ADAMTSL1: variants seen among roughly 807,000 people sequenced by gnomAD.
The protein encoded by ADAMTSL1 is ADAMTS like 1, also known as ADAMTS-like protein 1.
Under a neutral mutation model 201.8 loss-of-function variants are expected in ADAMTSL1, and 126 were observed. The observed-to-expected ratio is 0.62, with a 90% CI of 0.54 to 0.72. The LOEUF (loss-of-function observed/expected upper bound fraction) is 0.72. Among genes scored for constraint, ADAMTSL1 ranks in the 30% least tolerant of loss-of-function variants. The pLI, the probability that ADAMTSL1 is intolerant of heterozygous loss-of-function variation, is 0.00. For missense variants in ADAMTSL1, 2,679 were observed against 2,277.8 expected (o/e 1.18, Z -3.59); for synonymous variants, 1,121 against 903.4 (o/e 1.24, Z -4.32).
chr9:18,261,200 C>G (rs1056376756), intron 2 of ADAMTSL1, among the ~76,000 whole-genome samples: 2 of 151,948 alleles, frequency 1.3e-5, no homozygotes, highest in African/African-American at 4.8e-5. Flanking sequence ...GGCCACAGGA[C>G]AGATATCATC....
At position 18,689,763 on chromosome 9, in the gene ADAMTSL1, C is replaced by A. The variant is rs563276848; in HGVS notation, c.1574+4963C>A. Among the ~76,000 whole-genome samples the A allele has an allele frequency of 9.9e-5, 15 of 152,282 alleles. No individual in the cohort carries two copies. The East Asian group carries it at 2.7e-3, about 27-fold the overall frequency. ...AAGATAGCAATTTTATCCAGATATT[C>A]CCTTGTTAAATAGCTGGCATTCGCC... is the stretch of plus-strand genomic sequence containing the variant. On this transcript the variant is annotated intron_variant, in intron 13 of 28. Transcript: ENST00000380548.
intron 2 of ADAMTSL1, among the ~76,000 whole-genome samples, chr9:18,251,790 C>T (rs1240344220): frequency 1.3e-5 from 2 of 152,048 alleles, no homozygotes; most frequent in African/African-American, 4.8e-5. Flanking sequence ...TGGTGCAACA[C>T]AGTAAATATC....
At chr9:18,660,526 C>G (rs899725052) in intron 8 of ADAMTSL1, among the ~76,000 whole-genome samples, 1 of 152,174 alleles carries the variant, frequency 6.6e-6, no homozygotes, top group Non-Finnish European at 1.5e-5. Flanking sequence ...ATAATCATCT[C>G]AGATTAATAA....
intron 7 of ADAMTSL1, among the ~76,000 whole-genome samples, chr9:18,647,793 A>G (rs185550094): frequency 0.043 from 6,571 of 151,308 alleles, 199 homozygotes; most frequent in South Asian, 0.085. Flanking sequence ...TGCTGTGGAG[A>G]GCTTTACTTC....
chr9:18,808,176 C>A (rs745605109), intron 20 of ADAMTSL1, among the ~76,000 whole-genome samples: 1 of 152,078 alleles, frequency 6.6e-6, no homozygotes, highest in Non-Finnish European at 1.5e-5. Flanking sequence ...AATATCAAAC[C>A]TGCCTCCATA....
At chr9:18,536,404 A>G (rs1336695315) in intron 3 of ADAMTSL1, among the ~76,000 whole-genome samples, 2 of 150,730 alleles carry the variant, frequency 1.3e-5, no homozygotes, top group Admixed American at 1.3e-4. Flanking sequence ...CGTATTCCCC[A>G]GGGTAATATG....
intron 2 of ADAMTSL1, among the ~76,000 whole-genome samples, chr9:18,271,595 T>C (rs1440653214): frequency 9.2e-5 from 14 of 152,328 alleles, no homozygotes; most frequent in African/African-American, 3.4e-4. Context: ...TTTGAGTTGG[T>C]TCCAAGTCTT....
At chr9:17,915,106 G>A (rs1411494808) in intron 1 of ADAMTSL1, among the ~76,000 whole-genome samples, 4 of 152,104 alleles carry the variant, frequency 2.6e-5, no homozygotes, top group Admixed American at 2.0e-4. Context: ...AATTTGATAA[G>A]TTTTGACATA....
In ADAMTSL1 at chr9:18,857,647, T is replaced by G. The variant is rs114089000; in HGVS notation, c.4249+27670T>G. ...AGTGGTATCTTCTGACCTTTTCCAT[T>G]GCAGAAGTTAAGTTCCAAAGTTTTC... On this transcript the variant is annotated intron_variant, in intron 23 of 28. Coordinates refer to ENST00000380548, the MANE Select transcript of ADAMTSL1 (RefSeq NM_001040272.6). Among the ~76,000 whole-genome samples, 1,330 of 152,322 alleles carry G rather than the reference T, an allele frequency of 8.7e-3. 22 individuals carry two copies. Among genetic ancestry groups the G allele is most frequent in the African/African-American group, 0.029 (1,215 of 41,576 alleles).
Position 18,671,193 on chromosome 9 carries a change from A to T in ADAMTSL1, c.1086-4664A>T, listed in dbSNP as rs560480865. ...AAAGGGCCAATAGTACACAGTTAAA[A>T]GTGAGGAGAGGAGTTAGTATTAGGG... On this transcript the variant is annotated intron_variant, in intron 9 of 28. Transcript: ENST00000380548. Among the ~76,000 whole-genome samples, 86 of 152,316 alleles carry T rather than the reference A, an allele frequency of 5.6e-4. 1 individual carries two copies. The highest frequency in any genetic ancestry group is 2.0e-3 in the African/African-American group (84 of 41,570).
At chr9:18,283,468 TG>T (rs1189378398) in intron 2 of ADAMTSL1, among the ~76,000 whole-genome samples, 1 of 151,788 alleles carries the variant, frequency 6.6e-6, no homozygotes, top group Non-Finnish European at 1.5e-5. Context: ...TAACTGAGTA[TG>T]ATGGTACACA....
chr9:18,629,235 CT>C (rs75914391), intron 5 of ADAMTSL1, among the ~76,000 whole-genome samples: 19,982 of 148,742 alleles, frequency 0.13, 1,430 homozygotes, highest in Admixed American at 0.2. Flanking sequence ...TTGTAAGCCA[CT>C]TTTTTTTTTG....
chr9:17,948,584 C>A (rs554659446), intron 1 of ADAMTSL1, among the ~76,000 whole-genome samples: 1 of 152,138 alleles, frequency 6.6e-6, no homozygotes, highest in East Asian at 1.9e-4. Context: ...TAGGAAACAG[C>A]GTCAGATGAA....
intron 2 of ADAMTSL1, among the ~76,000 whole-genome samples, chr9:18,274,107 A>G (rs1457235557): frequency 2.0e-5 from 3 of 152,254 alleles, no homozygotes; most frequent in African/African-American, 7.2e-5. Flanking sequence ...GAATTTAGAT[A>G]TCTCTCACTT....
chr9:18,753,162 A>G, intron 15 of ADAMTSL1, 136 bp from the exon 16 acceptor site: 3 of 787,886 alleles, frequency 3.8e-6, no homozygotes, highest in Admixed American at 2.0e-5. Context: ...TAGGCTTAAG[A>G]TAGAGCTGCC....
At chr9:18,475,355 G>A (rs923484411) in intron 1 of ADAMTSL1, among the ~76,000 whole-genome samples, 5 of 152,100 alleles carry the variant, frequency 3.3e-5, no homozygotes, top group Non-Finnish European at 7.4e-5. Flanking sequence ...TCTGATCTGC[G>A]CTATAATTTT....
chr9:18,513,166 C>T (rs1362281601), intron 2 of ADAMTSL1, among the ~76,000 whole-genome samples: 1 of 152,142 alleles, frequency 6.6e-6, no homozygotes, highest in African/African-American at 2.4e-5. Context: ...GACAATTTAG[C>T]ATGAGATCCA....
intron 9 of ADAMTSL1, among the ~76,000 whole-genome samples, chr9:18,667,637 C>G (rs7029381): frequency 8.9e-4 from 135 of 152,228 alleles, no homozygotes; most frequent in African/African-American, 3.0e-3. Context: ...GAGTACCTGA[C>G]TCATGATAAG....
intron 1 of ADAMTSL1, among the ~76,000 whole-genome samples, chr9:18,013,213 T>C (rs1452903678): frequency 1.3e-5 from 2 of 152,024 alleles, no homozygotes; most frequent in African/African-American, 4.8e-5. Flanking sequence ...ATGTGCAGCT[T>C]CTTATATGTG....
Sources: allele counts gnomAD v4.1 joint callset (sites outside exome capture counted in the v4.1 genomes callset), GRCh38; gene constraint gnomAD v4.1.1; transcripts MANE v1.5; gene names NCBI Gene and HGNC (gene_info 2026-07-23, HGNC 2026-07-21).